Variants in SMG9 observed in about 807,000 individuals in gnomAD.
SMG9 encodes the protein SMG9 nonsense mediated mRNA decay factor, also known as nonsense-mediated mRNA decay factor SMG9.
SMG9 carries 55 observed loss-of-function variants against 64.0 expected under a neutral mutation model. The observed-to-expected ratio is 0.86, with a 90% CI of 0.69 to 1.08. SMG9 has a LOEUF of 1.08. Ranked by LOEUF, SMG9 falls within the 50% of genes least tolerant of loss-of-function variation. The pLI is 0.00. For missense variants in SMG9, 554 were observed against 681.3 expected (o/e 0.81, Z 2.08); for synonymous variants, 244 against 254.8 (o/e 0.96, Z 0.41).
rs1285755947 is a variant in SMG9, at chr19:43,734,484, G to C, written c.1007C>G (p.Thr336Arg). 2 of 1,557,786 alleles carry C rather than the reference G, an allele frequency of 1.3e-6. No individual in the cohort carries two copies. Among genetic ancestry groups the C allele is most frequent in the Non-Finnish European group, 8.7e-7 (1 of 1,150,288 alleles). ...GGTGGAGGGCTTCACCATCTCTGCTGTCTGCAGGAACCTTGGGGTTTGGGG... is the reference window on the plus strand; with the variant it reads ...GGTGGAGGGCTTCACCATCTCTGCTCTCTGCAGGAACCTTGGGGTTTGGGG... ...TDLSLYRFLQ[T>R]AEMVKPSTPS... is the part of the protein sequence containing the mutation. Residue 336 changes from threonine to arginine, a missense_variant, in exon 10 of 14, where the codon ACA becomes AGA. Thr to Arg is a moderately conservative substitution (Grantham distance 71, BLOSUM62 -1). Transcript: ENST00000270066.
chr19:43,751,135 C>G (rs1432519219), intron 1 of SMG9, among the ~76,000 whole-genome samples: 1 of 151,664 alleles, frequency 6.6e-6, no homozygotes, highest in Non-Finnish European at 1.5e-5. Flanking sequence ...AAGGCTCTTC[C>G]TTTCTTCTTT....
intron 7 of SMG9, 143 bp from the exon 8 acceptor site, chr19:43,738,360 G>A (rs1188839546): frequency 9.0e-6 from 6 of 667,952 alleles, no homozygotes; most frequent in Admixed American, 5.9e-5. Context: ...GGAAGTTAAA[G>A]AAAAAAAACT....
At chr19:43,736,527 G>A (rs1390413120) in intron 9 of SMG9, among the ~76,000 whole-genome samples, 1 of 152,202 alleles carries the variant, frequency 6.6e-6, no homozygotes, top group Non-Finnish European at 1.5e-5. Flanking sequence ...GCTTCAGGCA[G>A]GACTCCTGCC....
intron 6 of SMG9, among the ~76,000 whole-genome samples, chr19:43,741,526 T>C (rs1242387448): frequency 6.6e-6 from 1 of 152,202 alleles, no homozygotes; most frequent in African/African-American, 2.4e-5. Flanking sequence ...AGACTGTGGT[T>C]TGAAAGGTCC....
chr19:43,741,170 G>A (rs553953515), intron 6 of SMG9, among the ~76,000 whole-genome samples: 1 of 152,328 alleles, frequency 6.6e-6, no homozygotes, highest in South Asian at 2.1e-4. Flanking sequence ...AACTGTGGGT[G>A]TTAGAAAGAA....
At position 43,754,916 on chromosome 19, in the gene SMG9, CG is replaced by C. The variant is rs1267328538; in HGVS notation, c.-270del. The C allele has an allele frequency of 1.3e-5, 2 of 152,312 alleles. No individual in the cohort carries two copies. The highest frequency in any genetic ancestry group is 4.8e-5 in the African/African-American group (2 of 41,458). 9.4% of individuals were successfully genotyped at this position (152,312 alleles called of 1,614,324 possible). A position where few individuals can be genotyped will look rare whatever the true frequency, so the allele number is the denominator to read the frequency against. ...CCGAGCTGAGATCAGTTCCCTCAGG[CG>C]ACTCGTCCTGCGCATGCGCTGAGGG... On this transcript the variant is annotated 5_prime_UTR_variant, in exon 1 of 14. An upstream open reading frame in the 5' UTR gains an earlier in-frame stop. Coordinates refer to ENST00000270066, the MANE Select transcript of SMG9 (RefSeq NM_019108.4).
Position 43,731,217 on chromosome 19 carries a change from C to T in SMG9, c.*379G>A. The T allele has an allele frequency of 3.8e-6, 4 of 1,041,202 alleles. No homozygotes were observed. The highest frequency in any genetic ancestry group is 4.6e-6 in the Non-Finnish European group (4 of 865,216). The allele number at this position is 1,041,202 out of a possible 1,614,324, so 64.5% of individuals were successfully genotyped here. On this transcript the variant is annotated 3_prime_UTR_variant, in exon 14 of 14. Coordinates refer to ENST00000270066, the MANE Select transcript of SMG9 (RefSeq NM_019108.4). ...CAATAAAGAGCTCTCCAGACCCTGC[C>T]TCACCTTACAGGGAAGGGCTTAGAG...
rs758158063 is a variant in SMG9, at chr19:43,728,878, C to T, written c.*2718G>A. The T allele has an allele frequency of 5.6e-6, 3 of 533,640 alleles. No individual in the cohort carries two copies. The highest frequency in any genetic ancestry group is 8.2e-5 in the South Asian group (1 of 12,230). The allele number at this position is 533,640 out of a possible 1,614,324, so 33.1% of individuals were successfully genotyped here. ...GTATTCCTGTGTCTGAATTGAAAAG[C>T]GTGAGTTCCACCTGCTGGGAATGAT... On this transcript the variant is annotated 3_prime_UTR_variant, in exon 14 of 14. Transcript: ENST00000270066.
chr19:43,751,200 C>G lies in SMG9; in HGVS notation c.-6-453G>C, dbSNP rs542500802. On this transcript the variant is annotated intron_variant, in intron 1 of 13. Transcript: ENST00000270066. ...CGAGGCTGGAGTGCAATGGCGTAATCTCGGCTCACTGCAGCCTCCACCTCA... is the reference window on the plus strand; with the variant it reads ...CGAGGCTGGAGTGCAATGGCGTAATGTCGGCTCACTGCAGCCTCCACCTCA... Among the ~76,000 whole-genome samples, 48 of 152,176 alleles carry G rather than the reference C, an allele frequency of 3.2e-4. 1 individual carries two copies. In the South Asian group the frequency reaches 7.7e-3, roughly 24 times the overall value.
Position 43,732,879 on chromosome 19 carries a change from G to A in SMG9, c.1463C>T (p.Thr488Met), listed in dbSNP as rs767488535. 6.8e-6 allele frequency: 11 copies of A among 1,614,018 alleles called. No individual in the cohort carries two copies. Among genetic ancestry groups the A allele is most frequent in the South Asian group, 2.2e-5 (2 of 91,062 alleles). ...TTACCAGTTCTTCTCGGTGAGGATC[G>A]TGTGTGACAGCTGTGGCCGGGCCAT... ...MSMARPQLSH[T>M]ILTEKNWFHY... is the part of the protein sequence containing the mutation. The change falls in exon 13 of 14, where the codon ACG (threonine) becomes ATG (methionine). Residue 488 changes from threonine (T) to methionine (M), a missense_variant. Thr to Met is a moderately conservative substitution (Grantham distance 81). Coordinates refer to ENST00000270066, the MANE Select transcript of SMG9 (RefSeq NM_019108.4).
At chr19:43,733,256 G>A in intron 12 of SMG9, 68 bp downstream of exon 12, 2 of 1,569,824 alleles carry the variant, frequency 1.3e-6, no homozygotes, top group Non-Finnish European at 1.7e-6. Context: ...CTAGACCAGT[G>A]GGTGCTGGGT....
intron 6 of SMG9, among the ~76,000 whole-genome samples, chr19:43,743,266 G>GA (rs1380358153): frequency 1.3e-5 from 2 of 152,188 alleles, no homozygotes; most frequent in South Asian, 4.1e-4. Context: ...AGCTGAAATG[G>GA]AAAGAATGTT....
chr19:43,728,904 G>A lies in SMG9; in HGVS notation c.*2692C>T, dbSNP rs990184699. On this transcript the variant is annotated 3_prime_UTR_variant, in exon 14 of 14. Coordinates refer to ENST00000270066, the MANE Select transcript of SMG9 (RefSeq NM_019108.4). ...GTGAGTTCCACCTGCTGGGAATGAT[G>A]AAGGGACTGGAGAGCCACAAGCAGC... 1 of 797,026 alleles carries A rather than the reference G, an allele frequency of 1.3e-6. No individual in the cohort carries two copies. Among genetic ancestry groups the A allele is most frequent in the Non-Finnish European group, 1.5e-6 (1 of 658,126 alleles). 49.4% of individuals were successfully genotyped at this position (797,026 alleles called of 1,614,324 possible). A position where few individuals can be genotyped will look rare whatever the true frequency, so the allele number is the denominator to read the frequency against.
At chr19:43,743,241 C>T (rs1353566436) in intron 6 of SMG9, among the ~76,000 whole-genome samples, 3 of 152,134 alleles carry the variant, frequency 2.0e-5, no homozygotes, top group South Asian at 2.1e-4. Context: ...GGAAAATTTG[C>T]TAGTTGGGGT....
chr19:43,744,062 G>A (rs1331191410), intron 6 of SMG9, among the ~76,000 whole-genome samples: 1 of 151,988 alleles, frequency 6.6e-6, no homozygotes, highest in East Asian at 1.9e-4. Context: ...TCTGCCCCCA[G>A]TTTCGGGACC....
chr19:43,738,366 A>C (rs1204551957), intron 7 of SMG9, 149 bp from the exon 8 acceptor site: 2 of 659,624 alleles, frequency 3.0e-6, no homozygotes, highest in African/African-American at 3.6e-5. Flanking sequence ...TAAAGAAAAA[A>C]AACTCAAAGC....
chr19:43,734,144 G>A (rs1455761011), intron 10 of SMG9: 1 of 558,608 alleles, frequency 1.8e-6, no homozygotes, highest in South Asian at 2.3e-5. Context: ...AGGCAGACCT[G>A]GGGCCTGTCC....
rs374583722 is a variant in SMG9 at position 43,731,576 on chromosome 19, T to C, written c.*20A>G. On this transcript the variant is annotated 3_prime_UTR_variant, in exon 14 of 14. Transcript: ENST00000270066. The stretch of plus-strand genomic sequence containing the variant: ...CTGCGGACCCAGGAGGTCCCCTGCA[T>C]GACATTCCTCTCCTTGGCCTCAGGC... 5 of 1,614,038 alleles carry C rather than the reference T, an allele frequency of 3.1e-6. No homozygotes were observed. In the African/African-American group the frequency reaches 5.3e-5, roughly 17 times the overall value.
At chr19:43,740,303 A>C in intron 6 of SMG9, 85 bp from the exon 7 acceptor site, 2 of 890,014 alleles carry the variant, frequency 2.2e-6, no homozygotes, top group Middle Eastern at 5.2e-4. Context: ...TGAGCTGAGC[A>C]TGTGAGCCGT....
Sources: gnomAD v4.1 joint callset for allele counts (sites outside exome capture counted in the v4.1 genomes callset) on GRCh38, gnomAD v4.1.1 for gene constraint, MANE v1.5 for transcripts, NCBI Gene and HGNC (gene_info 2026-07-23, HGNC 2026-07-21) for gene names.